Variants in EHBP1 observed in about 807,000 individuals in gnomAD.
EHBP1 encodes the protein EH domain-binding protein 1.
A neutral mutation model predicts 144.0 loss-of-function variants in EHBP1; 55 were observed. The observed-to-expected ratio is 0.38, with a 90% CI of 0.31 to 0.48. EHBP1 has a LOEUF of 0.48. Among genes scored for constraint, EHBP1 ranks in the 20% least tolerant of loss-of-function variants. EHBP1 has a pLI of 0.98. For missense variants in EHBP1, 1,200 were observed against 1,364.2 expected (o/e 0.88, Z 1.90); for synonymous variants, 469 against 472.7 (o/e 0.99, Z 0.10).
chr2:62,949,268 A>G (rs1044589046), intron 13 of EHBP1, 106 bp downstream of exon 13: 1 of 1,031,574 alleles, frequency 9.7e-7, no homozygotes, highest in African/African-American at 1.6e-5. Context: ...GTGAAGTGTA[A>G]TTTCTATTAT....
chr2:62,752,551 G>A (rs995570690), intron 3 of EHBP1, among the ~76,000 whole-genome samples: 9 of 152,078 alleles, frequency 5.9e-5, no homozygotes, highest in South Asian at 2.1e-4. Context: ...TTTCTGTCTC[G>A]TTGATCTGTC....
intron 19 of EHBP1, among the ~76,000 whole-genome samples, chr2:63,013,104 A>G (rs2060337483): frequency 6.6e-6 from 1 of 152,224 alleles, no homozygotes; most frequent in African/African-American, 2.4e-5. Flanking sequence ...TGTTCTCTAC[A>G]CAGTTTCAAA....
chr2:62,679,061 C>T (rs574658622), intron 1 of EHBP1, among the ~76,000 whole-genome samples: 208 of 152,272 alleles, frequency 1.4e-3, no homozygotes, highest in Non-Finnish European at 1.6e-3. Context: ...TAGTGAGATA[C>T]GGCCTGGACT....
intron 20 of EHBP1, among the ~76,000 whole-genome samples, chr2:63,038,419 A>G (rs190182284): frequency 6.6e-6 from 1 of 152,288 alleles, no homozygotes; most frequent in East Asian, 1.9e-4. Flanking sequence ...GAGTTTTGGA[A>G]AAAAGAGATT....
intron 2 of EHBP1, 32 bp downstream of exon 2, chr2:62,707,327 G>GCT (rs2034689372): frequency 6.5e-7 from 1 of 1,535,214 alleles, no homozygotes; most frequent in Non-Finnish European, 9.0e-7. Flanking sequence ...ATTTTGCTGT[G>GCT]CTGTGGCCTA....
intron 6 of EHBP1, among the ~76,000 whole-genome samples, chr2:62,827,850 G>A (rs2046455972): frequency 6.6e-6 from 1 of 152,004 alleles, no homozygotes; most frequent in South Asian, 2.1e-4. Context: ...TATATTTTTG[G>A]TAGAGACGGT....
intron 10 of EHBP1, among the ~76,000 whole-genome samples, chr2:62,939,522 C>T (rs192155284): frequency 1.3e-3 from 197 of 152,282 alleles, no homozygotes; most frequent in African/African-American, 4.4e-3. Context: ...ATCTGCCCGC[C>T]TCAGCCTCCC....
At chr2:62,825,761 A>T (rs557215623) in intron 5 of EHBP1, among the ~76,000 whole-genome samples, 3 of 152,174 alleles carry the variant, frequency 2.0e-5, no homozygotes, top group African/African-American at 7.2e-5. Flanking sequence ...CTAGCCCTGT[A>T]TTGGATCCTC....
At chr2:62,859,770 C>T (rs989577300) in intron 8 of EHBP1, among the ~76,000 whole-genome samples, 1 of 151,772 alleles carries the variant, frequency 6.6e-6, no homozygotes, top group Non-Finnish European at 1.5e-5. Flanking sequence ...TATATATATA[C>T]AGCATACTTG....
chr2:62,827,726 G>C (rs571416132), intron 6 of EHBP1, among the ~76,000 whole-genome samples: 2 of 151,682 alleles, frequency 1.3e-5, no homozygotes, highest in Non-Finnish European at 2.9e-5. Context: ...GGAGTGCAGT[G>C]GCACGATCTC....
At chr2:62,935,828 A>C (rs964891108) in intron 10 of EHBP1, among the ~76,000 whole-genome samples, 2 of 152,118 alleles carry the variant, frequency 1.3e-5, no homozygotes, top group Non-Finnish European at 2.9e-5. Flanking sequence ...ACAGGTTGCT[A>C]AGACTATTTT....
At chr2:62,813,312 T>G (rs2045175658) in intron 5 of EHBP1, among the ~76,000 whole-genome samples, 2 of 152,214 alleles carry the variant, frequency 1.3e-5, no homozygotes, top group Admixed American at 1.3e-4. Context: ...CCTGTAAGAA[T>G]GCAAGAACTT....
At chr2:62,779,852 A>G (rs2042305744) in intron 5 of EHBP1, among the ~76,000 whole-genome samples, 2 of 152,174 alleles carry the variant, frequency 1.3e-5, no homozygotes, top group Non-Finnish European at 2.9e-5. Context: ...AGAAGAAATA[A>G]TATACTAAAC....
chr2:62,899,272 G>A (rs999280917), intron 10 of EHBP1, among the ~76,000 whole-genome samples: 1 of 152,198 alleles, frequency 6.6e-6, no homozygotes, highest in African/African-American at 2.4e-5. Context: ...GAGCCTTGGA[G>A]TAGAACAGTG....
intron 2 of EHBP1, among the ~76,000 whole-genome samples, chr2:62,710,405 G>C (rs941231430): frequency 2.0e-5 from 3 of 151,616 alleles, no homozygotes; most frequent in Non-Finnish European, 4.4e-5. Context: ...GTTGTGGTGG[G>C]AGGACTAAAA....
chr2:62,811,282 C>T, intron 5 of EHBP1, among the ~76,000 whole-genome samples: 1 of 152,170 alleles, frequency 6.6e-6, no homozygotes, highest in East Asian at 1.9e-4. Flanking sequence ...GGCATGTCTG[C>T]TTCAGCATTT....
intron 19 of EHBP1, among the ~76,000 whole-genome samples, chr2:63,011,933 T>A (rs1333525958): frequency 6.6e-6 from 1 of 151,952 alleles, no homozygotes; most frequent in African/African-American, 2.4e-5. Context: ...AACTCAATGT[T>A]GGGATACATT....
intron 14 of EHBP1, among the ~76,000 whole-genome samples, chr2:62,972,823 A>G (rs537946413): frequency 2.0e-5 from 3 of 152,280 alleles, no homozygotes; most frequent in African/African-American, 4.8e-5. Context: ...GTAGGGTTTT[A>G]TGAGTTGTAA....
upstream of EHBP1, among the ~76,000 whole-genome samples, chr2:62,702,729 C>T (rs555652124): frequency 7.9e-5 from 12 of 152,214 alleles, no homozygotes; most frequent in South Asian, 2.1e-3. Context: ...TAAGTATTGC[C>T]CAAGTATTCT....
Sources: allele counts gnomAD v4.1 joint callset (sites outside exome capture counted in the v4.1 genomes callset), GRCh38; gene constraint gnomAD v4.1.1; transcripts MANE v1.5; gene names NCBI Gene and HGNC (gene_info 2026-07-23, HGNC 2026-07-21).